The following HADHA variants were observed in gnomAD, a reference collection of about 807,000 sequenced individuals.
HADHA encodes hydroxyacyl-CoA dehydrogenase trifunctional multienzyme complex subunit alpha.
A neutral mutation model predicts 91.3 loss-of-function variants in HADHA; 59 were observed. The ratio of observed to expected loss-of-function variants is 0.65; its 90% CI spans 0.52 to 0.80. HADHA has a LOEUF of 0.80. Among genes scored for constraint, HADHA ranks in the 30% least tolerant of loss-of-function variants. The pLI is 0.00. For missense variants in HADHA, 800 were observed against 927.6 expected (o/e 0.86, Z 1.79); for synonymous variants, 320 against 338.9 (o/e 0.94, Z 0.61).
intron 7 of HADHA, among the ~76,000 whole-genome samples, chr2:26,225,547 T>A (rs1293715578): frequency 6.6e-6 from 1 of 152,102 alleles, no homozygotes; most frequent in African/African-American, 2.4e-5. Context: ...TTATAATATA[T>A]GACAACAAAA....
rs1669500654 is a variant in HADHA, at chr2:26,191,468, A to G, written c.2146+15T>C. On this transcript the variant is annotated intron_variant, in intron 19 of 19. Coordinates refer to ENST00000380649, the MANE Select transcript of HADHA (RefSeq NM_000182.5). ...CAGGCTAAAGTGAGCTTCCTTCCCA[A>G]CCTGCGAGACCAACCTCCCAGACAA... The G allele has an allele frequency of 6.2e-7, 1 of 1,614,146 alleles. No homozygotes were observed.
In HADHA at chr2:26,232,220, G is replaced by T. The variant is rs139043179; in HGVS notation, c.513C>A (p.Thr171=). The T allele has an allele frequency of 1.2e-5, 19 of 1,604,584 alleles. No homozygotes were observed. In the African/African-American group the frequency reaches 2.0e-4, roughly 17 times the overall value. The change falls in exon 6 of 20, where the codon ACC becomes ACA. Residue 171 remains threonine, a synonymous_variant. Coordinates refer to ENST00000380649, the MANE Select transcript of HADHA (RefSeq NM_000182.5). ...ATKDRKTVLG[T]PEVLLGALPG... Reference sequence around the variant, plus strand: ...GTAAGGCCCCCAGCAAAACTTCAGGGGTACCTAATACTGTTTTTCTGTCTT... The same window carrying T: ...GTAAGGCCCCCAGCAAAACTTCAGGTGTACCTAATACTGTTTTTCTGTCTT...
At chr2:26,205,688 C>T (rs143107740) in intron 11 of HADHA, among the ~76,000 whole-genome samples, 2,067 of 152,200 alleles carry the variant, frequency 0.014, 40 homozygotes, top group African/African-American at 0.046. Context: ...CCTGTAATCC[C>T]AGCTACTCAA....
chr2:26,235,678 A>G (rs1435115905), intron 4 of HADHA, among the ~76,000 whole-genome samples: 1 of 152,240 alleles, frequency 6.6e-6, no homozygotes, highest in Non-Finnish European at 1.5e-5. Context: ...CACATAAATA[A>G]TTACACTTTC....
intron 1 of HADHA, among the ~76,000 whole-genome samples, chr2:26,243,847 A>T (rs1484150024): frequency 6.6e-6 from 1 of 152,244 alleles, no homozygotes; most frequent in Non-Finnish European, 1.5e-5. Context: ...GAATCATCAG[A>T]TTACAAATCG....
intron 4 of HADHA, chr2:26,235,201 C>T (rs2002486): frequency 0.18 from 27,058 of 151,870 alleles, 2,772 homozygotes; most frequent in Middle Eastern, 0.26. Flanking sequence ...CCTGGCTACT[C>T]GGGAGGCTGA....
At chr2:26,230,652 G>T (rs1297195300) in intron 6 of HADHA, among the ~76,000 whole-genome samples, 1 of 152,040 alleles carries the variant, frequency 6.6e-6, no homozygotes, top group Non-Finnish European at 1.5e-5. Context: ...AGGCACGGTG[G>T]CTCACACCTG....
intron 7 of HADHA, among the ~76,000 whole-genome samples, chr2:26,217,386 GAAAAAT>G (rs1670262789): frequency 4.6e-5 from 7 of 152,236 alleles, no homozygotes; most frequent in African/African-American, 1.7e-4. Flanking sequence ...GAGGGAGACA[GAAAAAT>G]ATTTGAAGAA....
rs770219903 is a variant in HADHA at position 26,201,307 on chromosome 2, C to A, written c.1234G>T (p.Val412Leu). 4 of 1,608,266 alleles carry A rather than the reference C, an allele frequency of 2.5e-6. No homozygotes were observed. The highest frequency in any genetic ancestry group is 2.2e-5 in the East Asian group (1 of 44,866). The change falls in exon 13 of 20, where the codon GTG becomes TTG. Residue 412 changes from valine (V) to leucine (L), a missense_variant. Physicochemically the swap from Val to Leu is conservative, Grantham distance 32 (BLOSUM62 1). Coordinates refer to ENST00000380649, the MANE Select transcript of HADHA (RefSeq NM_000182.5). Reference sequence around the variant, plus strand: ...AATGATGTTAGAGCTTTCTTCTTCACTTTGTCATTCAATCTAGAAAAAACA... The same window carrying A: ...AATGATGTTAGAGCTTTCTTCTTCAATTTGTCATTCAATCTAGAAAAAACA... ...QQVFKGLNDK[V>L]KKKALTSFER...
In HADHA at chr2:26,191,155, C is replaced by G. The variant is rs12291; in HGVS notation, c.*95G>C. On this transcript the variant is annotated 3_prime_UTR_variant, in exon 20 of 20. Transcript: ENST00000380649. Reference sequence around the variant, plus strand: ...AACCCAGTGCCGGAGTTTGTCTTCTCGTTACTCTGATAAATCTAGACACCA... The same window carrying G: ...AACCCAGTGCCGGAGTTTGTCTTCTGGTTACTCTGATAAATCTAGACACCA... 9 of 1,310,638 alleles carry G rather than the reference C, an allele frequency of 6.9e-6. No homozygotes were observed. Among genetic ancestry groups the G allele is most frequent in the Non-Finnish European group, 9.9e-6 (9 of 910,386 alleles). The allele number at this position is 1,310,638 out of a possible 1,614,324, so 81.2% of individuals were successfully genotyped here. A position where few individuals can be genotyped will look rare whatever the true frequency, so the allele number is the denominator to read the frequency against.
In HADHA at chr2:26,236,965, T is replaced by C. The variant is rs1340782424; in HGVS notation, c.204A>G (p.Leu68=). The change falls in exon 4 of 20, where the codon CTA becomes CTG. Residue 68 remains leucine, a synonymous_variant. Coordinates refer to ENST00000380649, the MANE Select transcript of HADHA (RefSeq NM_000182.5). ...TCATAACTTCTGAGAACTCTGAATGTAGCTCTTTACTCAGTGTATTTACCT... is the reference window on the plus strand; with the variant it reads ...TCATAACTTCTGAGAACTCTGAATGCAGCTCTTTACTCAGTGTATTTACCT... The part of the protein sequence containing the change: ...NSKVNTLSKE[L]HSEFSEVMNE... The C allele has an allele frequency of 3.7e-6, 6 of 1,609,208 alleles. No individual in the cohort carries two copies. Among genetic ancestry groups the C allele is most frequent in the Non-Finnish European group, 5.1e-6 (6 of 1,175,436 alleles).
intron 7 of HADHA, among the ~76,000 whole-genome samples, chr2:26,228,056 T>C (rs996906553): frequency 1.3e-5 from 2 of 151,902 alleles, no homozygotes; most frequent in African/African-American, 4.8e-5. Context: ...CAAAAGCTAA[T>C]ATATATCTGT....
At chr2:26,236,378 CTCTGTGTGTGTGTGTGTG>C (rs1670758134) in intron 4 of HADHA, among the ~76,000 whole-genome samples, 2 of 41,402 alleles carry the variant, frequency 4.8e-5, no homozygotes, top group Admixed American at 2.4e-4. Flanking sequence ...TATATATATA[CTCTGTGTGTGTGTGTGTG>C]TGTGTGTGTG....
At chr2:26,231,601 A>G (rs1437789684) in intron 6 of HADHA, among the ~76,000 whole-genome samples, 1 of 152,238 alleles carries the variant, frequency 6.6e-6, no homozygotes, top group East Asian at 1.9e-4. Flanking sequence ...CATAAGCTCC[A>G]GAAATGCAAG....
rs543883463 is a variant in HADHA, at chr2:26,193,758, C to T, written c.1704G>A (p.Pro568=). ...VIRILQEGVD[P]KKLDSLTTSF... is the part of the protein sequence containing the mutation. ...TTGTGGTCAGGGAATCCAGCTTCTT[C>T]GGGTCAACTCCTTCCTGAACAGGAA... is the stretch of plus-strand genomic sequence containing the variant. Residue 568 remains proline, a synonymous_variant, in exon 17 of 20, where the codon CCG becomes CCA. Coordinates refer to ENST00000380649, the MANE Select transcript of HADHA (RefSeq NM_000182.5). The T allele has an allele frequency of 5.6e-6, 9 of 1,614,106 alleles. No individual in the cohort carries two copies. The highest frequency in any genetic ancestry group is 2.7e-5 in the African/African-American group (2 of 75,042).
At chr2:26,232,407 G>A in intron 5 of HADHA, 128 bp from the exon 6 acceptor site, 2 of 706,398 alleles carry the variant, frequency 2.8e-6, no homozygotes, top group Non-Finnish European at 5.0e-6. Flanking sequence ...AATTCCTTAG[G>A]CTGGCATTTA....
At chr2:26,228,063 C>A (rs1051201412) in intron 7 of HADHA, among the ~76,000 whole-genome samples, 7 of 151,808 alleles carry the variant, frequency 4.6e-5, no homozygotes, top group Non-Finnish European at 1.0e-4. Context: ...TAATATATAT[C>A]TGTTATATGG....
chr2:26,244,047 G>C (rs553610195), intron 1 of HADHA, among the ~76,000 whole-genome samples: 1 of 152,268 alleles, frequency 6.6e-6, no homozygotes, highest in Admixed American at 6.5e-5. Context: ...ATGGTTTTGA[G>C]GGAACGGAGC....
In HADHA at chr2:26,191,268, G is replaced by A; in HGVS notation, c.2274C>T (p.Asn758=). Residue 758 remains asparagine (N), a synonymous_variant, in exon 20 of 20, where the codon AAC becomes AAT. Coordinates refer to ENST00000380649, the MANE Select transcript of HADHA (RefSeq NM_000182.5). The stretch of plus-strand genomic sequence containing the variant: ...GGCCTGCTCACTGGTAGAACTTCTT[G>A]TTAGGGCTGTTAGCATGGTCAGCTA... ...QLLADHANSP[N]KKFYQ The A allele has an allele frequency of 6.2e-7, 1 of 1,612,744 alleles. No individual in the cohort carries two copies. The highest frequency in any genetic ancestry group is 2.0e-4 in the Middle Eastern group (1 of 4,902).
Sources: gnomAD v4.1 joint callset for allele counts (sites outside exome capture counted in the v4.1 genomes callset) on GRCh38, gnomAD v4.1.1 for gene constraint, MANE v1.5 for transcripts, NCBI Gene and HGNC (gene_info 2026-07-23, HGNC 2026-07-21) for gene names.